The following SOX6 variants were observed in gnomAD, a reference collection of about 807,000 sequenced individuals.
The protein encoded by SOX6 is transcription factor SOX-6.
Under a neutral mutation model 97.8 loss-of-function variants are expected in SOX6, and 11 were observed. That is an observed-to-expected ratio of 0.11 (90% confidence interval 0.07 to 0.19). SOX6 has a LOEUF of 0.19. Among genes scored for constraint, SOX6 ranks in the 10% least tolerant of loss-of-function variants. SOX6 has a pLI of 1.00. For synonymous variants in SOX6, 360 were observed against 371.4 expected (o/e 0.97, Z 0.35); for missense variants, 810 against 1,039.5 (o/e 0.78, Z 3.04).
At chr11:16,713,268 A>G (rs1848194583) in intron 3 of SOX6, among the ~76,000 whole-genome samples, 3 of 152,222 alleles carry the variant, frequency 2.0e-5, no homozygotes, top group Non-Finnish European at 2.9e-5. Flanking sequence ...AACTAGAAAA[A>G]AATACAATTA....
At position 16,516,450 on chromosome 11, in the gene SOX6, T is replaced by G. The variant is rs554821356; in HGVS notation, n.610-40062A>C. Among the ~76,000 whole-genome samples, 59 of 152,162 alleles carry G rather than the reference T, an allele frequency of 3.9e-4. 1 individual carries two copies. The highest frequency in any genetic ancestry group is 1.5e-3 in the South Asian group (7 of 4,814). On this transcript the variant is annotated intron_variant and non_coding_transcript_variant, in intron 4 of 5. Transcript: ENST00000524520. ...TTATGAGCTTAAGGAGATTTTGGGC[T>G]GAGACAATGAATCAAATAGACGCAA...
At chr11:16,058,156 T>C (rs532711589) in intron 9 of SOX6, among the ~76,000 whole-genome samples, 1 of 152,170 alleles carries the variant, frequency 6.6e-6, no homozygotes, top group Non-Finnish European at 1.5e-5. Flanking sequence ...ATCTTTGACA[T>C]TTTGTTATAC....
chr11:16,264,576 G>A (rs1442633713), intron 3 of SOX6: 2 of 151,746 alleles, frequency 1.3e-5, no homozygotes, highest in Non-Finnish European at 2.9e-5. Context: ...TGTATCTTCA[G>A]GGTAAATTCC....
intron 1 of SOX6, among the ~76,000 whole-genome samples, chr11:16,421,334 T>A (rs1192624211): frequency 6.6e-6 from 1 of 152,138 alleles, no homozygotes; most frequent in Admixed American, 6.5e-5. Context: ...GATTTTACAG[T>A]ATTGCTGGAC....
At chr11:16,232,346 G>A (rs186040183) in intron 4 of SOX6, among the ~76,000 whole-genome samples, 181 of 151,944 alleles carry the variant, frequency 1.2e-3, no homozygotes, top group Non-Finnish European at 1.9e-3. Flanking sequence ...GATGTATGAA[G>A]AGATGATAAT....
At chr11:16,062,668 T>C (rs1183565463) in intron 9 of SOX6, among the ~76,000 whole-genome samples, 1 of 151,748 alleles carries the variant, frequency 6.6e-6, no homozygotes, top group African/African-American at 2.4e-5. Context: ...ACCAGCAGTG[T>C]ATATGTGTAA....
chr11:16,726,622 A>G (rs1309211460), intron 2 of SOX6, among the ~76,000 whole-genome samples: 4 of 152,242 alleles, frequency 2.6e-5, no homozygotes, highest in African/African-American at 9.6e-5. Flanking sequence ...ATGCAATAAC[A>G]ATAATCTATA....
intron 6 of SOX6, among the ~76,000 whole-genome samples, chr11:16,138,182 T>C (rs1320721709): frequency 6.6e-6 from 1 of 152,226 alleles, no homozygotes; most frequent in Non-Finnish European, 1.5e-5. Context: ...AGAAGCTTAA[T>C]GAATTACATA....
intron 4 of SOX6, among the ~76,000 whole-genome samples, chr11:16,227,643 T>A (rs1250326928): frequency 6.6e-6 from 1 of 152,288 alleles, no homozygotes; most frequent in Admixed American, 6.5e-5. Flanking sequence ...TCTCTACTAA[T>A]GCAGTCCAAT....
At chr11:16,638,147 C>T (rs1485185087) in intron 3 of SOX6, among the ~76,000 whole-genome samples, 1 of 148,958 alleles carries the variant, frequency 6.7e-6, no homozygotes, top group East Asian at 2.0e-4. Context: ...TAACTGAGAA[C>T]ATGCGGTGTT....
intron 3 of SOX6, among the ~76,000 whole-genome samples, chr11:16,301,715 AC>A (rs1282686486): frequency 1.3e-5 from 2 of 152,122 alleles, no homozygotes; most frequent in African/African-American, 4.8e-5. Flanking sequence ...CCACATATGG[AC>A]CAAGTTTGAT....
intron 3 of SOX6, among the ~76,000 whole-genome samples, chr11:16,710,101 A>G (rs1225491192): frequency 6.6e-6 from 1 of 152,138 alleles, no homozygotes; most frequent in African/African-American, 2.4e-5. Flanking sequence ...ATGCATTATA[A>G]TTTTTCCTAT....
Position 16,211,591 on chromosome 11 carries a change from T to C in SOX6, c.535+22991A>G, listed in dbSNP as rs1037928777. Among the ~76,000 whole-genome samples, 4 of 152,094 alleles carry C rather than the reference T, an allele frequency of 2.6e-5. No homozygotes were observed. The East Asian group carries it at 5.8e-4, about 22-fold the overall frequency. On this transcript the variant is annotated intron_variant, in intron 4 of 15. Coordinates refer to ENST00000683767, the MANE Select transcript of SOX6 (RefSeq NM_001367873.1). ...AGGCTTCTAGGGTAAGGTGAGAGAA[T>C]GGTTCCTGGAATCTGGAGAATGTAG...
chr11:16,600,639 T>C (rs548816919), intron 4 of SOX6, among the ~76,000 whole-genome samples: 13 of 152,340 alleles, frequency 8.5e-5, no homozygotes, highest in South Asian at 4.1e-4. Flanking sequence ...TACTTAAAAA[T>C]TGAAAAGCTC....
At chr11:16,484,191 T>C in intron 4 of SOX6, 1 of 797,736 alleles carries the variant, frequency 1.3e-6, no homozygotes, top group Non-Finnish European at 2.3e-6. Context: ...TGGTTGAAGT[T>C]GGAGATGCCA....
At chr11:16,449,426 G>A (rs902107102) in intron 1 of SOX6, among the ~76,000 whole-genome samples, 3 of 151,462 alleles carry the variant, frequency 2.0e-5, no homozygotes, top group African/African-American at 7.3e-5. Flanking sequence ...CTGAGTAGCT[G>A]GGATTACAGG....
At chr11:16,631,115 T>A (rs1163441180) in intron 3 of SOX6, among the ~76,000 whole-genome samples, 1 of 152,118 alleles carries the variant, frequency 6.6e-6, no homozygotes, top group African/African-American at 2.4e-5. Context: ...TGAGGTTTGA[T>A]CCTATCATAA....
intron 4 of SOX6, among the ~76,000 whole-genome samples, chr11:16,506,599 G>T (rs531609432): frequency 2.0e-4 from 31 of 152,158 alleles, no homozygotes; most frequent in African/African-American, 7.0e-4. Flanking sequence ...ATTTGGCAGG[G>T]GCCAAGGGCA....
At chr11:16,372,867 T>G (rs297329) in intron 1 of SOX6, among the ~76,000 whole-genome samples, 151,445 of 152,158 alleles carry the variant, frequency 1, 75,373 homozygotes, top group Middle Eastern at 1. Context: ...ATAAAAATGT[T>G]ATTTCATTTA....
Sources: gnomAD v4.1 joint callset for allele counts (sites outside exome capture counted in the v4.1 genomes callset) on GRCh38, gnomAD v4.1.1 for gene constraint, MANE v1.5 for transcripts, NCBI Gene and HGNC (gene_info 2026-07-23, HGNC 2026-07-21) for gene names.